Variants in EBF3 observed in about 807,000 individuals in gnomAD.
EBF3 encodes the protein transcription factor COE3.
EBF3 carries 18 observed loss-of-function variants against 77.1 expected under a neutral mutation model. The observed-to-expected ratio is 0.23, with a 90% CI of 0.16 to 0.35. EBF3 has a LOEUF of 0.35. EBF3 is among the 10% of genes least tolerant of loss of function. EBF3 has a pLI of 1.00. For missense variants in EBF3, 558 were observed against 860.0 expected, an observed-to-expected ratio of 0.65 and a Z score of 4.39; for synonymous variants, 350 against 343.5, an observed-to-expected ratio of 1.02 and a Z score of -0.21.
rs1849638107 is a variant in EBF3, at chr10:129,836,823, A to G, written c.*1120T>C. ...AATGTACAAAATTTCAAAGATAAAT[A>G]CAATATTTATAATTGATATGTTACA... On this transcript the variant is annotated 3_prime_UTR_variant, in exon 17 of 17. Coordinates refer to ENST00000440978, the MANE Select transcript of EBF3 (RefSeq NM_001375380.1). The G allele has an allele frequency of 6.6e-6, 1 of 152,664 alleles. No homozygotes were observed. Among genetic ancestry groups the G allele is most frequent in the Non-Finnish European group, 1.5e-5 (1 of 68,032 alleles). 9.5% of individuals were successfully genotyped at this position (152,664 alleles called of 1,614,324 possible). A position where few individuals can be genotyped will look rare whatever the true frequency, so the allele number is the denominator to read the frequency against.
intron 7 of EBF3, among the ~76,000 whole-genome samples, chr10:129,875,862 C>T (rs547518839): frequency 1.3e-5 from 2 of 152,284 alleles, no homozygotes; most frequent in African/African-American, 4.8e-5. Context: ...ACCCAGGTGC[C>T]CCCCTTGTGT....
chr10:129,945,169 A>G (rs10159950), intron 6 of EBF3, among the ~76,000 whole-genome samples: 13,586 of 41,134 alleles, frequency 0.33, 2,896 homozygotes, highest in African/African-American at 0.68. Context: ...GGGAGGGGAG[A>G]GGAGTGAAGA....
intron 6 of EBF3, among the ~76,000 whole-genome samples, chr10:129,881,077 T>A (rs191761041): frequency 2.0e-5 from 3 of 152,318 alleles, no homozygotes; most frequent in Non-Finnish European, 4.4e-5. Context: ...ACAACCACTT[T>A]ACATATCTCA....
intron 6 of EBF3, among the ~76,000 whole-genome samples, chr10:129,883,319 C>G (rs2134157359): frequency 6.6e-6 from 1 of 152,352 alleles, no homozygotes; most frequent in East Asian, 1.9e-4. Flanking sequence ...AGCTCTGGCT[C>G]TTAGCACAGC....
chr10:129,936,642 T>C (rs1028954163), intron 6 of EBF3, among the ~76,000 whole-genome samples: 1 of 140,236 alleles, frequency 7.1e-6, no homozygotes, highest in Admixed American at 7.1e-5. Context: ...CCCTCAGCTG[T>C]GGGGGGACCA....
rs1264663145 is a variant in EBF3 at position 129,944,075 on chromosome 10, G to C, written c.554+13183C>G. Among the ~76,000 whole-genome samples, 2 of 152,052 alleles carry C rather than the reference G, an allele frequency of 1.3e-5. No homozygotes were observed. Among genetic ancestry groups the C allele is most frequent in the Non-Finnish European group, 2.9e-5 (2 of 68,024 alleles). On this transcript the variant is annotated intron_variant, in intron 6 of 16. Transcript: ENST00000440978. The surrounding 1 kb of genome is among the most constrained non-coding windows in gnomAD (Gnocchi z 5.1). ...TTTTAATCCATTTTTTACACCGTGG[G>C]AAAAGAAAAATATCACCGTTCTAGT...
chr10:129,865,597 G>A (rs767853185), intron 10 of EBF3, among the ~76,000 whole-genome samples: 1 of 152,164 alleles, frequency 6.6e-6, no homozygotes, highest in African/African-American at 2.4e-5. Flanking sequence ...CTGAGCTGTC[G>A]ACTGGACACC....
chr10:129,910,305 C>A (rs895182864), intron 6 of EBF3, among the ~76,000 whole-genome samples: 5 of 152,376 alleles, frequency 3.3e-5, no homozygotes, highest in Admixed American at 6.5e-5. Context: ...GAAGAGTTAA[C>A]CGCATCTGTT....
At chr10:129,860,986 C>G (rs772881759) in intron 10 of EBF3, among the ~76,000 whole-genome samples, 1 of 152,224 alleles carries the variant, frequency 6.6e-6, no homozygotes, top group Non-Finnish European at 1.5e-5. Context: ...TGTGCAATAG[C>G]ACAAACGGTG....
intron 10 of EBF3, among the ~76,000 whole-genome samples, chr10:129,858,158 C>T (rs896988169): frequency 3.3e-5 from 5 of 152,178 alleles, no homozygotes; most frequent in African/African-American, 1.2e-4. Flanking sequence ...TTGTACATAC[C>T]AAATGCCAGC....
chr10:129,862,828 T>C lies in EBF3; in HGVS notation c.1039+4313A>G, dbSNP rs80189664. On this transcript the variant is annotated intron_variant, in intron 10 of 16. Coordinates refer to ENST00000440978, the MANE Select transcript of EBF3 (RefSeq NM_001375380.1). Reference sequence around the variant, plus strand: ...ATATTCTAATTAAAAAATAATTTCTTTTATTACTCTTAACCATTTGATGCG... The same window carrying C: ...ATATTCTAATTAAAAAATAATTTCTCTTATTACTCTTAACCATTTGATGCG... Among the ~76,000 whole-genome samples, 1,219 of 152,348 alleles carry C rather than the reference T, an allele frequency of 8.0e-3. 16 individuals are homozygous for C. The highest frequency in any genetic ancestry group is 0.026 in the African/African-American group (1,071 of 41,576).
At chr10:129,923,453 T>C (rs1234429849) in intron 6 of EBF3, among the ~76,000 whole-genome samples, 1 of 152,134 alleles carries the variant, frequency 6.6e-6, no homozygotes, top group Non-Finnish European at 1.5e-5. Flanking sequence ...TACAGACCAA[T>C]GGGACAGAAT....
intron 6 of EBF3, among the ~76,000 whole-genome samples, chr10:129,936,503 A>G (rs1169219399): frequency 6.6e-6 from 1 of 151,426 alleles, no homozygotes; most frequent in Non-Finnish European, 1.5e-5. Flanking sequence ...TGAGGACCCA[A>G]GGGCTATGCA....
At chr10:129,869,066 T>C (rs1852230873) in intron 8 of EBF3, among the ~76,000 whole-genome samples, 1 of 152,202 alleles carries the variant, frequency 6.6e-6, no homozygotes, top group Non-Finnish European at 1.5e-5. Flanking sequence ...GCCTCTTCGA[T>C]GTACAGGTCT....
At chr10:129,901,971 G>C (rs139052812) in intron 6 of EBF3, among the ~76,000 whole-genome samples, 1 of 152,296 alleles carries the variant, frequency 6.6e-6, no homozygotes, top group Admixed American at 6.5e-5. Context: ...TCTTTACAGC[G>C]TCTACCTGTA....
intron 6 of EBF3, among the ~76,000 whole-genome samples, chr10:129,882,647 G>A (rs1431382832): frequency 6.6e-6 from 1 of 152,230 alleles, no homozygotes; most frequent in African/African-American, 2.4e-5. Flanking sequence ...TGTAATGTGT[G>A]AAATAATTGG....
chr10:129,841,924 T>A lies in EBF3; in HGVS notation c.1372+192A>T, dbSNP rs72837145. On this transcript the variant is annotated intron_variant, in intron 13 of 16. Coordinates refer to ENST00000440978, the MANE Select transcript of EBF3 (RefSeq NM_001375380.1). This position sits in a 1 kb window ranked among gnomAD's most constrained non-coding sequence, Gnocchi z 4.6. ...GTTTTTAGTAACTGGGCTCTCTGAG[T>A]GTTCTTACCCCAGCACTGGCTGGGA... Among the ~76,000 whole-genome samples, 1,779 of 152,240 alleles carry A rather than the reference T, an allele frequency of 0.012. 24 individuals carry two copies. Among genetic ancestry groups the A allele is most frequent in the Non-Finnish European group, 0.019 (1,293 of 67,996 alleles).
Position 129,959,152 on chromosome 10 carries a change from C to G in EBF3, c.412-145G>C, listed in dbSNP as rs2134625669. On this transcript the variant is annotated intron_variant, in intron 4 of 16. Transcript: ENST00000440978. ...CGCCCCCCTCCCTCGGCCACCCTCC[C>G]GATGGGGTCACCCTCGGAGCTGGGC... 5 of 990,250 alleles carry G rather than the reference C, an allele frequency of 5.0e-6. No homozygotes were observed. In the South Asian group the frequency reaches 7.5e-5, roughly 15 times the overall value. The allele number at this position is 990,250 out of a possible 1,614,324, so 61.3% of individuals were successfully genotyped here. A position where few individuals can be genotyped will look rare whatever the true frequency, so the allele number is the denominator to read the frequency against.
chr10:129,959,715 G>C (rs1859341877), intron 4 of EBF3, among the ~76,000 whole-genome samples: 1 of 151,862 alleles, frequency 6.6e-6, no homozygotes, highest in African/African-American at 2.4e-5. Context: ...GCCTCTGCAC[G>C]CTGCGGGCGG....
Sources: gnomAD v4.1 joint callset for allele counts (sites outside exome capture counted in the v4.1 genomes callset) on GRCh38, gnomAD v4.1.1 for gene constraint, Gnocchi (gnomAD v3.1) non-coding constraint, MANE v1.5 for transcripts, NCBI Gene and HGNC (gene_info 2026-07-23, HGNC 2026-07-21) for gene names.